Variants in TMEM18 observed in about 807,000 individuals in gnomAD.
TMEM18 encodes the protein transmembrane protein 18.
In TMEM18, 14 loss-of-function variants were observed where a neutral mutation model predicts 17.4. The observed-to-expected ratio is 0.80, with a 90% CI of 0.53 to 1.25. TMEM18 has a LOEUF of 1.25. TMEM18 is among the 50% of genes most tolerant of loss of function. The pLI, the probability that TMEM18 is intolerant of heterozygous loss-of-function variation, is 0.00. For synonymous variants in TMEM18, 86 were observed against 66.1 expected (o/e 1.30, Z -1.46); for missense variants, 187 against 172.1 (o/e 1.09, Z -0.48).
rs1553272666 is a variant in TMEM18 at position 672,985 on chromosome 2, G to A, written c.179-123C>T. ...CACTTTAATTTTAAACATAACATCA[G>A]GTAAACATCCTAACATTGTCAAGTC... On this transcript the variant is annotated intron_variant, in intron 2 of 4. Transcript: ENST00000281017. The A allele has an allele frequency of 1.3e-5, 12 of 919,278 alleles. No individual in the cohort carries two copies. The South Asian group carries it at 1.6e-4, about 12-fold the overall frequency. The allele number at this position is 919,278 out of a possible 1,614,324, so 56.9% of individuals were successfully genotyped here. A position where few individuals can be genotyped will look rare whatever the true frequency, so the allele number is the denominator to read the frequency against.
Position 669,625 on chromosome 2 carries a change from T to C in TMEM18, c.378A>G (p.Ala126=), listed in dbSNP as rs1236056706. 6.2e-7 allele frequency: 1 copy of C among 1,614,236 alleles called. No homozygotes were observed. Among genetic ancestry groups the C allele is most frequent in the Non-Finnish European group, 8.5e-7 (1 of 1,180,042 alleles). The change falls in exon 5 of 5, where the codon GCA becomes GCG. Residue 126 remains alanine (A), a synonymous_variant. Transcript: ENST00000281017. ...TTTTCTTTTCCTTTCTTCTCTCTTG[T>C]GCATTCTTCAGGTCAGTCATCACAT... is the stretch of plus-strand genomic sequence containing the variant. ...TLNVMTDLKN[A]QERRKEKKRR...
At chr2:673,006 AAGTCGTAG>A (rs1262131001) in intron 2 of TMEM18, 144 bp from the exon 3 acceptor site, 1 of 780,224 alleles carries the variant, frequency 1.3e-6, no homozygotes, top group Admixed American at 4.2e-5. Flanking sequence ...TAACATTGTC[AAGTCGTAG>A]GACTCACCCA....
intron 1 of TMEM18, 64 bp downstream of exon 1, chr2:677,225 G>C (rs1334871162): frequency 7.1e-6 from 11 of 1,558,320 alleles, no homozygotes; most frequent in African/African-American, 1.3e-5. Flanking sequence ...GTGCTCTGTG[G>C]GGCCTACCCT....
rs1055727090 is a variant in TMEM18, at chr2:673,881, G to A, written c.179-1019C>T. Among the ~76,000 whole-genome samples, 6 of 151,488 alleles carry A rather than the reference G, an allele frequency of 4.0e-5. No individual in the cohort carries two copies. In the South Asian group the frequency reaches 1.3e-3, roughly 32 times the overall value. ...GGCATGGGTGCGGGGAGGAAGGTGT[G>A]GAGGGCTGACGTTACAGGGGGAAGG... On this transcript the variant is annotated intron_variant, in intron 2 of 4. Coordinates refer to ENST00000281017, the MANE Select transcript of TMEM18 (RefSeq NM_152834.4).
At position 669,522 on chromosome 2, in the gene TMEM18, C is replaced by G; in HGVS notation, c.*58G>C. 6.4e-7 allele frequency: 1 copy of G among 1,557,320 alleles called. No individual in the cohort carries two copies. Among genetic ancestry groups the G allele is most frequent in the Non-Finnish European group, 8.8e-7 (1 of 1,130,506 alleles). On this transcript the variant is annotated 3_prime_UTR_variant, in exon 5 of 5. Transcript: ENST00000281017. The stretch of plus-strand genomic sequence containing the variant: ...GATGCCCACGCCACGCACACTGCAG[C>G]ACTGGGAGCTGCACTGGGTGGACGG...
chr2:664,891 C>G lies in TMEM18; in HGVS notation c.*4689G>C, dbSNP rs1471187733. 1.3e-5 allele frequency among the ~76,000 whole-genome samples: 2 copies of G among 152,138 alleles called. No homozygotes were observed. Among genetic ancestry groups the G allele is most frequent in the Admixed American group, 1.3e-4 (2 of 15,272 alleles). On this transcript the variant is annotated 3_prime_UTR_variant, in exon 5 of 5. Coordinates refer to ENST00000281017, the MANE Select transcript of TMEM18 (RefSeq NM_152834.4). ...GGTTACGTAAATTCAGCCTATACCC[C>G]TACAATGTGTTTACTATGCAGGCAT...
rs1572407035 is a variant in TMEM18 at position 666,504 on chromosome 2, G to A, written c.*3076C>T. Among the ~76,000 whole-genome samples, 1 of 152,342 alleles carries A rather than the reference G, an allele frequency of 6.6e-6. No individual in the cohort carries two copies. Among genetic ancestry groups the A allele is most frequent in the South Asian group, 2.1e-4 (1 of 4,828 alleles). On this transcript the variant is annotated 3_prime_UTR_variant, in exon 5 of 5. Transcript: ENST00000281017. Reference sequence around the variant, plus strand: ...GAGCTAGAAAGCTTACCAGGCCGATGAGGATGCTTGCTGTCAACTGTTCCA... The same window carrying A: ...GAGCTAGAAAGCTTACCAGGCCGATAAGGATGCTTGCTGTCAACTGTTCCA...
rs933620623 is a variant in TMEM18 at position 668,017 on chromosome 2, C to T, written c.*1563G>A. 2 of 152,192 alleles carry T rather than the reference C, an allele frequency of 1.3e-5. No individual in the cohort carries two copies. Among genetic ancestry groups the T allele is most frequent in the South Asian group, 2.1e-4 (1 of 4,830 alleles). 9.4% of individuals were successfully genotyped at this position (152,192 alleles called of 1,614,324 possible). ...TTTAATTGACTCAGTTCCACATGGC[C>T]GGGGAGGCCTCGGGAAACTTACAAT... On this transcript the variant is annotated 3_prime_UTR_variant, in exon 5 of 5. Transcript: ENST00000281017.
Position 672,353 on chromosome 2 carries a change from G to A in TMEM18, c.233+455C>T, listed in dbSNP as rs772874187. The stretch of plus-strand genomic sequence containing the variant: ...AGGACGCAGGGCCAGGGCTGCCAGC[G>A]GTGCCCCCCGACATCAGGATGTGGG... On this transcript the variant is annotated intron_variant, in intron 3 of 4. Coordinates refer to ENST00000281017, the MANE Select transcript of TMEM18 (RefSeq NM_152834.4). Among the ~76,000 whole-genome samples, 6 of 152,056 alleles carry A rather than the reference G, an allele frequency of 3.9e-5. No individual in the cohort carries two copies. In the East Asian group the frequency reaches 9.7e-4, roughly 25 times the overall value.
In TMEM18 at chr2:676,225, G is replaced by A. The variant is rs760067057; in HGVS notation, c.58-595C>T. The stretch of plus-strand genomic sequence containing the variant: ...ACTCCGCCGCCTCCTGGACTCCCCG[G>A]GACCCTGCTGTACCTGGGGACAGTG... On this transcript the variant is annotated intron_variant, in intron 1 of 4. Coordinates refer to ENST00000281017, the MANE Select transcript of TMEM18 (RefSeq NM_152834.4). 3.2e-5 allele frequency: 45 copies of A among 1,397,608 alleles called. No homozygotes were observed. In the African/African-American group the frequency reaches 6.1e-4, roughly 19 times the overall value. The allele number at this position is 1,397,608 out of a possible 1,614,324, so 86.6% of individuals were successfully genotyped here. A position where few individuals can be genotyped will look rare whatever the true frequency, so the allele number is the denominator to read the frequency against.
chr2:669,349 C>T lies in TMEM18; in HGVS notation c.*231G>A. The T allele has an allele frequency of 1.8e-6, 1 of 562,802 alleles. No individual in the cohort carries two copies. Among genetic ancestry groups the T allele is most frequent in the Non-Finnish European group, 3.2e-6 (1 of 317,284 alleles). 34.9% of individuals were successfully genotyped at this position (562,802 alleles called of 1,614,324 possible). A position where few individuals can be genotyped will look rare whatever the true frequency, so the allele number is the denominator to read the frequency against. On this transcript the variant is annotated 3_prime_UTR_variant, in exon 5 of 5. Coordinates refer to ENST00000281017, the MANE Select transcript of TMEM18 (RefSeq NM_152834.4). ...TGAAGCTCTGCAGAGACCGTTCCCA[C>T]AGCCTGACTACAAAGATCAGGCACC...
intron 1 of TMEM18, chr2:676,603 A>T: frequency 1.3e-6 from 2 of 1,550,352 alleles, no homozygotes; most frequent in Non-Finnish European, 1.7e-6. Context: ...AGGTGAGGGG[A>T]GCACGGCTTT....
chr2:672,582 C>T (rs1025494754), intron 3 of TMEM18, among the ~76,000 whole-genome samples: 2 of 152,288 alleles, frequency 1.3e-5, no homozygotes, highest in African/African-American at 4.8e-5. Flanking sequence ...TCAGAGGCCT[C>T]AGCCAGCACT....
At chr2:676,454 C>A in intron 1 of TMEM18, 1 of 1,139,950 alleles carries the variant, frequency 8.8e-7, no homozygotes, top group Non-Finnish European at 1.2e-6. Context: ...CAAGCTGCAG[C>A]CCGGCACAGC....
chr2:669,919 T>C, intron 3 of TMEM18, 69 bp from the exon 4 acceptor site: 1 of 1,262,180 alleles, frequency 7.9e-7, no homozygotes, highest in Non-Finnish European at 1.1e-6. Flanking sequence ...CACCGTCTAT[T>C]TAGATAAGAC....
Position 669,451 on chromosome 2 carries a change from TATTTAAATAAA to T in TMEM18, c.*118_*128del. 1 of 932,142 alleles carries T rather than the reference TATTTAAATAAA, an allele frequency of 1.1e-6. No individual in the cohort carries two copies. Among genetic ancestry groups the T allele is most frequent in the Non-Finnish European group, 1.7e-6 (1 of 594,200 alleles). The allele number at this position is 932,142 out of a possible 1,614,324, so 57.7% of individuals were successfully genotyped here. On this transcript the variant is annotated 3_prime_UTR_variant, in exon 5 of 5. Coordinates refer to ENST00000281017, the MANE Select transcript of TMEM18 (RefSeq NM_152834.4). ...TCAGTGTGTGCCCTACCACTGTGGA[TATTTAAATAAA>T]ACAACGGTTTTTCAAACCATGAGTC... is the stretch of plus-strand genomic sequence containing the variant.
chr2:676,790 G>A (rs1315299131), intron 1 of TMEM18: 4 of 771,582 alleles, frequency 5.2e-6, no homozygotes, highest in Non-Finnish European at 6.2e-6. Context: ...CGCACTGCCA[G>A]AATCCGCCCA....
rs1253295480 is a variant in TMEM18 at position 666,464 on chromosome 2, A to G, written c.*3116T>C. ...CTGTACAGGCCGCTGTGAAACTGGA[A>G]CATCGGAGGAAGAGGAGCTAGAAAG... On this transcript the variant is annotated 3_prime_UTR_variant, in exon 5 of 5. Coordinates refer to ENST00000281017, the MANE Select transcript of TMEM18 (RefSeq NM_152834.4). Among the ~76,000 whole-genome samples, 1 of 152,166 alleles carries G rather than the reference A, an allele frequency of 6.6e-6. No homozygotes were observed. The highest frequency in any genetic ancestry group is 2.4e-5 in the African/African-American group (1 of 41,432).
At chr2:670,721 G>C (rs945491783) in intron 3 of TMEM18, 4 of 153,196 alleles carry the variant, frequency 2.6e-5, no homozygotes, top group African/African-American at 4.8e-5. Flanking sequence ...TCGGGGGTGA[G>C]GGGGCCTCGT....
Sources: allele counts gnomAD v4.1 joint callset (sites outside exome capture counted in the v4.1 genomes callset), GRCh38; gene constraint gnomAD v4.1.1; transcripts MANE v1.5; gene names NCBI Gene and HGNC (gene_info 2026-07-23, HGNC 2026-07-21).